The following SYN3 variants were observed in gnomAD, a reference collection of about 807,000 sequenced individuals.
SYN3 encodes synapsin-3.
SYN3 carries 35 observed loss-of-function variants against 65.8 expected under a neutral mutation model. The observed-to-expected ratio is 0.53, with a 90% confidence interval of 0.41 to 0.70. SYN3 has a LOEUF of 0.70. Ranked by LOEUF, SYN3 falls within the 30% of genes least tolerant of loss-of-function variation. SYN3 has a pLI of 0.00. For synonymous variants in SYN3, 270 were observed against 292.9 expected (o/e 0.92, Z 0.80); for missense variants, 680 against 749.0 (o/e 0.91, Z 1.08).
chr22:32,848,574 C>T (rs943768056), intron 6 of SYN3, among the ~76,000 whole-genome samples: 1 of 152,068 alleles, frequency 6.6e-6, no homozygotes, highest in South Asian at 2.1e-4. Flanking sequence ...CATGGTTAGC[C>T]CATTTCATTT....
chr22:32,881,383 T>A (rs1160671154), intron 4 of SYN3, among the ~76,000 whole-genome samples: 2 of 152,200 alleles, frequency 1.3e-5, no homozygotes, highest in Admixed American at 1.3e-4. Flanking sequence ...ACAGGCCACA[T>A]CTGTGCTCTG....
chr22:32,961,505 C>G (rs531745421), intron 3 of SYN3, among the ~76,000 whole-genome samples: 1 of 152,178 alleles, frequency 6.6e-6, no homozygotes, highest in African/African-American at 2.4e-5. Flanking sequence ...GGTTTCACCC[C>G]CATCATATAT....
intron 1 of SYN3, among the ~76,000 whole-genome samples, chr22:33,021,255 G>A (rs1312564063): frequency 6.6e-6 from 1 of 152,124 alleles, no homozygotes; most frequent in African/African-American, 2.4e-5. Flanking sequence ...TACTTCACAG[G>A]TCTTTGAGCA....
At position 32,556,809 on chromosome 22, in the gene SYN3, T is replaced by G. The variant is rs1290090851; in HGVS notation, c.775-15096A>C. Reference sequence around the variant, plus strand: ...CCCAATCTATAGGTTTCCTGGTTTTTTTTTTTTTTTTTTTTTTTTTTTTTT... The same window carrying G: ...CCCAATCTATAGGTTTCCTGGTTTTGTTTTTTTTTTTTTTTTTTTTTTTTT... On this transcript the variant is annotated intron_variant, in intron 7 of 13. Coordinates refer to ENST00000358763, the MANE Select transcript of SYN3 (RefSeq NM_003490.4). 5.2e-4 allele frequency among the ~76,000 whole-genome samples: 21 copies of G among 40,050 alleles called. 1 individual carries two copies. The highest frequency in any genetic ancestry group is 1.3e-3 in the South Asian group (1 of 760). 26.3% of individuals were successfully genotyped at this position (40,050 alleles called of 152,430 possible). A position where few individuals can be genotyped will look rare whatever the true frequency, so the allele number is the denominator to read the frequency against.
chr22:32,797,734 TGATG>T (rs1320786875), intron 6 of SYN3, among the ~76,000 whole-genome samples: 5 of 152,190 alleles, frequency 3.3e-5, no homozygotes, highest in African/African-American at 1.2e-4. Context: ...GTTGCGAAAC[TGATG>T]GATGGTCTTC....
intron 4 of SYN3, among the ~76,000 whole-genome samples, chr22:32,889,847 T>C (rs527871901): frequency 7.2e-5 from 11 of 152,068 alleles, no homozygotes; most frequent in Non-Finnish European, 1.0e-4. Context: ...TTATCAAAAG[T>C]CATTAGTAGG....
chr22:33,046,841 TAAAAAAA>T (rs71187229), intron 1 of SYN3, among the ~76,000 whole-genome samples: 76 of 92,790 alleles, frequency 8.2e-4, no homozygotes, highest in African/African-American at 2.9e-3. Context: ...AGTCTCTGTT[TAAAAAAA>T]AAAAAAAAAA....
chr22:32,548,902 C>T (rs559470890), intron 7 of SYN3, among the ~76,000 whole-genome samples: 1 of 152,258 alleles, frequency 6.6e-6, no homozygotes, highest in South Asian at 2.1e-4. Flanking sequence ...GGGCCATGTT[C>T]TATGATCTCA....
chr22:32,763,240 G>A (rs1000076959), intron 6 of SYN3, among the ~76,000 whole-genome samples: 15 of 151,832 alleles, frequency 9.9e-5, no homozygotes, highest in Non-Finnish European at 1.5e-4. Flanking sequence ...TCCGCCTCCC[G>A]GGTTCACGCC....
At chr22:32,763,213 C>G (rs1397317035) in intron 6 of SYN3, among the ~76,000 whole-genome samples, 1 of 151,906 alleles carries the variant, frequency 6.6e-6, no homozygotes, top group African/African-American at 2.4e-5. Context: ...GTGGCACTAT[C>G]TCAGCTCACT....
intron 6 of SYN3, among the ~76,000 whole-genome samples, chr22:32,774,127 T>C (rs2145791099): frequency 6.6e-6 from 1 of 152,224 alleles, no homozygotes; most frequent in African/African-American, 2.4e-5. Context: ...GATCTTGGAT[T>C]GATCCTGGGG....
chr22:32,582,611 C>T (rs778946949), intron 7 of SYN3, among the ~76,000 whole-genome samples: 2 of 152,112 alleles, frequency 1.3e-5, no homozygotes, highest in Non-Finnish European at 2.9e-5. Flanking sequence ...AACTCCTAGA[C>T]TCAAGTGATT....
intron 4 of SYN3, among the ~76,000 whole-genome samples, chr22:32,912,280 GT>G (rs890814440): frequency 9.2e-5 from 14 of 152,068 alleles, no homozygotes; most frequent in Non-Finnish European, 4.4e-5. Context: ...TGAGCAGAAG[GT>G]TTTTTTGGTG....
chr22:32,763,998 C>T (rs957319597), intron 6 of SYN3, among the ~76,000 whole-genome samples: 8 of 147,502 alleles, frequency 5.4e-5, no homozygotes, highest in Admixed American at 1.4e-4. Flanking sequence ...AGTGCAATGG[C>T]GCAATCTCGG....
chr22:32,595,929 T>C (rs1188386260), intron 7 of SYN3, among the ~76,000 whole-genome samples: 2 of 152,054 alleles, frequency 1.3e-5, no homozygotes, highest in Non-Finnish European at 1.5e-5. Flanking sequence ...ATACAAAAAT[T>C]AGCCAGGTAT....
At chr22:32,992,792 G>A (rs56095662) in intron 2 of SYN3, among the ~76,000 whole-genome samples, 8,077 of 152,130 alleles carry the variant, frequency 0.053, 695 homozygotes, top group African/African-American at 0.18. Context: ...CAGCCTGGGT[G>A]ACATAGCGAG....
At chr22:32,741,632 T>C (rs966640105) in intron 6 of SYN3, among the ~76,000 whole-genome samples, 1 of 151,958 alleles carries the variant, frequency 6.6e-6, no homozygotes, top group Admixed American at 6.6e-5. Flanking sequence ...TGGGATTACA[T>C]GCGTGAGCCA....
chr22:32,753,948 T>A (rs1399099245), intron 6 of SYN3, among the ~76,000 whole-genome samples: 2 of 152,222 alleles, frequency 1.3e-5, no homozygotes, highest in East Asian at 1.9e-4. Flanking sequence ...GCTCTGAGAA[T>A]ACGTAGGCAG....
rs190557055 is a variant in SYN3 at position 32,878,848 on chromosome 22, G to T, written c.462-9723C>A. On this transcript the variant is annotated intron_variant, in intron 4 of 13. Transcript: ENST00000358763. ...ATGAGGAGGGAGAAACCAGGAGTGA[G>T]GAATAAGCAAATGGGGCCCAGTCTA... Among the ~76,000 whole-genome samples, 213 of 152,278 alleles carry T rather than the reference G, an allele frequency of 1.4e-3. 1 individual carries two copies. The highest frequency in any genetic ancestry group is 0.01 in the Middle Eastern group (3 of 294).
Sources: allele counts gnomAD v4.1 joint callset (sites outside exome capture counted in the v4.1 genomes callset), GRCh38; gene constraint gnomAD v4.1.1; transcripts MANE v1.5; gene names NCBI Gene and HGNC (gene_info 2026-07-23, HGNC 2026-07-21).